Variants in MAP4K3 observed in about 807,000 individuals in gnomAD.
MAP4K3 encodes the protein MAPK/ERK kinase kinase kinase 3.
In MAP4K3, 94 loss-of-function variants were observed where a neutral mutation model predicts 143.5. The ratio of observed to expected loss-of-function variants is 0.65; its 90% CI spans 0.55 to 0.78. The LOEUF is 0.78. MAP4K3 is among the 30% of genes least tolerant of loss of function. The probability of loss-of-function intolerance (pLI) is 0.00; values close to 1 mark genes in which losing one functional copy is unlikely to be tolerated. For missense variants in MAP4K3, 1,077 were observed against 1,068.1 expected, an observed-to-expected ratio of 1.01 and a Z score of -0.12; for synonymous variants, 416 against 347.2, an observed-to-expected ratio of 1.20 and a Z score of -2.20.
At chr2:39,292,982 G>T (rs1224028589) in intron 17 of MAP4K3, among the ~76,000 whole-genome samples, 156 bp from the exon 18 acceptor site, 1 of 152,134 alleles carries the variant, frequency 6.6e-6, no homozygotes, top group Non-Finnish European at 1.5e-5. Flanking sequence ...AAGGAACTGG[G>T]AGCGGTGGAT....
chr2:39,391,765 G>T lies in MAP4K3; in HGVS notation c.97-13642C>A, dbSNP rs535541901. On this transcript the variant is annotated intron_variant, in intron 1 of 33. Transcript: ENST00000263881. ...ATGAGCATTGATTTCTAACATTTTCGTGGTGTAAACACTCCCACCAAGGCA... is the reference window on the plus strand; with the variant it reads ...ATGAGCATTGATTTCTAACATTTTCTTGGTGTAAACACTCCCACCAAGGCA... 1.1e-4 allele frequency among the ~76,000 whole-genome samples: 16 copies of T among 152,182 alleles called. 1 individual carries two copies. The South Asian group carries it at 1.7e-3, about 16-fold the overall frequency.
At chr2:39,375,172 T>C (rs1389621199) in intron 2 of MAP4K3, among the ~76,000 whole-genome samples, 2 of 152,086 alleles carry the variant, frequency 1.3e-5, no homozygotes, top group African/African-American at 2.4e-5. Flanking sequence ...GGTAGAAGTA[T>C]ACCATGAGCC....
intron 1 of MAP4K3, among the ~76,000 whole-genome samples, chr2:39,434,447 C>G (rs1326318067): frequency 6.6e-6 from 1 of 152,158 alleles, no homozygotes; most frequent in Non-Finnish European, 1.5e-5. Context: ...GACCAAGCAT[C>G]TATTATCTGA....
chr2:39,435,482 C>T (rs1665432189), intron 1 of MAP4K3, among the ~76,000 whole-genome samples: 1 of 152,156 alleles, frequency 6.6e-6, no homozygotes, highest in Non-Finnish European at 1.5e-5. Context: ...CTCCCCAGTA[C>T]CCTAAGCAAC....
chr2:39,281,052 T>C (rs1334541142), intron 22 of MAP4K3, among the ~76,000 whole-genome samples: 2 of 152,198 alleles, frequency 1.3e-5, no homozygotes, highest in East Asian at 3.8e-4. Context: ...ACTCTGAAAT[T>C]ATCCTTCTGG....
At chr2:39,384,695 G>C (rs1330762827) in intron 1 of MAP4K3, among the ~76,000 whole-genome samples, 1 of 152,220 alleles carries the variant, frequency 6.6e-6, no homozygotes, top group Non-Finnish European at 1.5e-5. Context: ...GCCAGTGCAA[G>C]TGAAAAACTG....
At chr2:39,337,767 T>TTG (rs1156830598) in intron 4 of MAP4K3, among the ~76,000 whole-genome samples, 186 bp from the exon 5 acceptor site, 2 of 137,064 alleles carry the variant, frequency 1.5e-5, no homozygotes, top group Non-Finnish European at 3.1e-5. Context: ...TTTTTTTTTT[T>TTG]TTTTTTTTTT....
At chr2:39,363,474 C>T (rs1390954907) in intron 2 of MAP4K3, among the ~76,000 whole-genome samples, 1 of 152,074 alleles carries the variant, frequency 6.6e-6, no homozygotes, top group East Asian at 1.9e-4. Context: ...TTGAGACCAG[C>T]CTGGCCAACA....
In MAP4K3 at chr2:39,292,682, T is replaced by C. The variant is rs575729869; in HGVS notation, c.1271+91A>G. ...AACCCATGATATTGTGTTACTGATA[T>C]TGAAATTTCCATCAATATTAAGCTG... On this transcript the variant is annotated intron_variant, in intron 18 of 33. Transcript: ENST00000263881. 67 of 1,005,914 alleles carry C rather than the reference T, an allele frequency of 6.7e-5. No homozygotes were observed. In the East Asian group the frequency reaches 1.1e-3, roughly 17 times the overall value. The allele number at this position is 1,005,914 out of a possible 1,614,324, so 62.3% of individuals were successfully genotyped here.
intron 6 of MAP4K3, among the ~76,000 whole-genome samples, chr2:39,335,277 C>T (rs968497108): frequency 1.3e-5 from 2 of 151,938 alleles, no homozygotes; most frequent in Non-Finnish European, 2.9e-5. Flanking sequence ...CCTTTGGTCG[C>T]CAAGCAGAAA....
rs999917835 is a variant in MAP4K3, at chr2:39,345,491, G to A, written c.246-2039C>T. Among the ~76,000 whole-genome samples the A allele has an allele frequency of 4.6e-5, 7 of 152,200 alleles. No individual in the cohort carries two copies. The East Asian group carries it at 1.3e-3, about 29-fold the overall frequency. ...TGGTTGGGTAGTAGCAGAATTAGCT[G>A]GACCTAAGAGGTGAGCTGACTTGAC... On this transcript the variant is annotated intron_variant, in intron 3 of 33. Transcript: ENST00000263881.
At chr2:39,339,224 G>A (rs923133152) in intron 4 of MAP4K3, among the ~76,000 whole-genome samples, 2 of 152,222 alleles carry the variant, frequency 1.3e-5, no homozygotes, top group Admixed American at 6.5e-5. Flanking sequence ...TTTAAGGACC[G>A]GGTTGGGTTT....
chr2:39,263,177 T>C (rs1372158102), intron 28 of MAP4K3, among the ~76,000 whole-genome samples: 2 of 152,140 alleles, frequency 1.3e-5, no homozygotes, highest in Non-Finnish European at 2.9e-5. Context: ...CGTAACAATG[T>C]TTTTGAATAC....
chr2:39,348,401 AC>A (rs1040926750), intron 3 of MAP4K3, among the ~76,000 whole-genome samples: 7 of 152,166 alleles, frequency 4.6e-5, no homozygotes, highest in Non-Finnish European at 1.0e-4. Context: ...AAAATACTTT[AC>A]TTTTATAATA....
chr2:39,393,734 G>A (rs1029400701), intron 1 of MAP4K3, among the ~76,000 whole-genome samples: 1 of 152,070 alleles, frequency 6.6e-6, no homozygotes, highest in Non-Finnish European at 1.5e-5. Context: ...GTATATGCAG[G>A]AGACTGGTTC....
chr2:39,320,184 AAT>A (rs1481343418), intron 12 of MAP4K3, among the ~76,000 whole-genome samples: 2 of 152,196 alleles, frequency 1.3e-5, no homozygotes, highest in African/African-American at 4.8e-5. Context: ...AATATAAATA[AAT>A]AGTCAAAAAT....
At chr2:39,368,658 G>A (rs1665991703) in intron 2 of MAP4K3, among the ~76,000 whole-genome samples, 1 of 151,364 alleles carries the variant, frequency 6.6e-6, no homozygotes, top group Non-Finnish European at 1.5e-5. Flanking sequence ...GACAGGGTGA[G>A]ATCCTGTCTC....
At chr2:39,348,431 T>A (rs577926007) in intron 3 of MAP4K3, among the ~76,000 whole-genome samples, 6 of 152,290 alleles carry the variant, frequency 3.9e-5, no homozygotes, top group African/African-American at 1.4e-4. Flanking sequence ...AGTTAAAGTC[T>A]AGTATTATCC....
chr2:39,436,967 C>G lies in MAP4K3; in HGVS notation c.21G>C (p.Leu7Phe). 1 of 1,612,318 alleles carries G rather than the reference C, an allele frequency of 6.2e-7. No individual in the cohort carries two copies. Residue 7 changes from leucine (L) to phenylalanine (F), a missense_variant, in exon 1 of 34, where the codon TTG (leucine) becomes TTC (phenylalanine). By Grantham distance (22) the Leu-to-Phe change is conservative. Around this residue, in one of 2 missense-constraint regions of MAP4K3, gnomAD observed 213 missense variants for 266.8 expected, o/e 0.80. Coordinates refer to ENST00000263881, the MANE Select transcript of MAP4K3 (RefSeq NM_003618.4). MNPGFD[L>F]SRRNPQEDFE... The stretch of plus-strand genomic sequence containing the variant: ...AGTCCTCCTGCGGGTTCCGGCGGGA[C>G]AAATCGAAGCCGGGGTTCATGGCGG...
Sources: allele counts gnomAD v4.1 joint callset (sites outside exome capture counted in the v4.1 genomes callset), GRCh38; gene constraint gnomAD v4.1.1; regional missense constraint gnomAD v4.1.1; transcripts MANE v1.5; gene names NCBI Gene and HGNC (gene_info 2026-07-23, HGNC 2026-07-21).